DENND4C: variants seen among roughly 807,000 people sequenced by gnomAD.
DENND4C encodes DENN domain containing 4C, also known as DENN domain-containing protein 4C.
DENND4C carries 108 observed loss-of-function variants against 203.0 expected under a neutral mutation model. That is an observed-to-expected ratio of 0.53 (90% CI 0.46 to 0.62). The LOEUF (loss-of-function observed/expected upper bound fraction) is 0.62, where lower values mean the gene tolerates loss of function less well. Ranked by LOEUF, DENND4C falls within the 20% of genes least tolerant of loss-of-function variation. The pLI is 0.00. For missense variants in DENND4C, 2,481 were observed against 2,301.2 expected (o/e 1.08, Z -1.60); for synonymous variants, 871 against 792.4 (o/e 1.10, Z -1.67).
chr9:19,374,122 A>C lies in DENND4C; in HGVS notation c.*1949A>C, dbSNP rs1185023724. On this transcript the variant is annotated 3_prime_UTR_variant, in exon 33 of 33. Transcript: ENST00000434457. ...AAAATTGAGGTTGAATAAAATGAAA[A>C]ATTGTTGTTTTCTGTTACATTAAGC... is the stretch of plus-strand genomic sequence containing the variant. Among the ~76,000 whole-genome samples the C allele has an allele frequency of 1.3e-5, 2 of 152,144 alleles. No individual in the cohort carries two copies. Among genetic ancestry groups the C allele is most frequent in the Non-Finnish European group, 2.9e-5 (2 of 68,036 alleles).
At chr9:19,282,844 G>A (rs570284149) in intron 2 of DENND4C, among the ~76,000 whole-genome samples, 1 of 148,330 alleles carries the variant, frequency 6.7e-6, no homozygotes, top group African/African-American at 2.5e-5. Context: ...AGCCTCTGGA[G>A]TAGCTGCGAT....
At chr9:19,336,525 A>G (rs1820511501) in intron 19 of DENND4C, 111 bp downstream of exon 19, 2 of 1,445,772 alleles carry the variant, frequency 1.4e-6, no homozygotes, top group South Asian at 1.5e-5. Context: ...ACATTTTCAC[A>G]TACATTTAAA....
chr9:19,294,090 G>C (rs1588860581), intron 5 of DENND4C, among the ~76,000 whole-genome samples: 3 of 152,166 alleles, frequency 2.0e-5, no homozygotes, highest in Admixed American at 6.5e-5. Flanking sequence ...GGAGATTAGT[G>C]AGTAGTCATT....
In DENND4C at chr9:19,372,324, T is replaced by A; in HGVS notation, c.*151T>A. On this transcript the variant is annotated 3_prime_UTR_variant, in exon 33 of 33. Coordinates refer to ENST00000434457, the MANE Select transcript of DENND4C (RefSeq NM_001330640.2). ...ATATATAATGAATTATGATTCATAT[T>A]GCATTACCTTGAAATATGAAGTGCC... is the stretch of plus-strand genomic sequence containing the variant. 1 of 929,830 alleles carries A rather than the reference T, an allele frequency of 1.1e-6. No homozygotes were observed. The allele number at this position is 929,830 out of a possible 1,614,324, so 57.6% of individuals were successfully genotyped here. A position where few individuals can be genotyped will look rare whatever the true frequency, so the allele number is the denominator to read the frequency against.
chr9:19,260,465 T>G (rs886205422), intron 1 of DENND4C, among the ~76,000 whole-genome samples: 6 of 152,114 alleles, frequency 3.9e-5, no homozygotes, highest in African/African-American at 1.2e-4. Flanking sequence ...TGGCATGATC[T>G]CGGCTTACTG....
At chr9:19,249,223 G>A (rs904296101) in intron 1 of DENND4C, among the ~76,000 whole-genome samples, 3 of 151,526 alleles carry the variant, frequency 2.0e-5, no homozygotes, top group African/African-American at 7.3e-5. Flanking sequence ...TTGAGACCCT[G>A]TCATAAGTTA....
chr9:19,297,921 A>G (rs767771056), intron 6 of DENND4C, 135 bp from the exon 7 acceptor site: 43 of 618,710 alleles, frequency 6.9e-5, no homozygotes, highest in Non-Finnish European at 1.0e-4. Context: ...GAGCAAATTT[A>G]CTTACTTAGC....
At chr9:19,234,432 G>C (rs1019284435) in intron 1 of DENND4C, among the ~76,000 whole-genome samples, 1 of 150,640 alleles carries the variant, frequency 6.6e-6, no homozygotes, top group African/African-American at 2.4e-5. Flanking sequence ...GGGTTTCACC[G>C]TGTTAGCCAG....
chr9:19,342,776 A>T lies in DENND4C; in HGVS notation c.3148A>T (p.Thr1050Ser). 1.2e-6 allele frequency: 2 copies of T among 1,600,422 alleles called. No individual in the cohort carries two copies. Among genetic ancestry groups the T allele is most frequent in the Non-Finnish European group, 8.5e-7 (1 of 1,174,660 alleles). Residue 1050 changes from threonine to serine, a missense_variant, in exon 22 of 33, where the codon ACT becomes TCT. Physicochemically the swap from Thr to Ser is moderately conservative, Grantham distance 58 (BLOSUM62 1). Coordinates refer to ENST00000434457, the MANE Select transcript of DENND4C (RefSeq NM_001330640.2). Reference protein sequence around the residue: ...IFDVNSRKSSTGSISNVLFST... With the variant: ...IFDVNSRKSSSGSISNVLFST... ...TGATGTCAACAGCAGGAAAAGTAGC[A>T]CTGGTGAGTCTTTACATTTTGGTTA...
At chr9:19,249,008 C>T (rs1285879833) in intron 1 of DENND4C, among the ~76,000 whole-genome samples, 1 of 152,114 alleles carries the variant, frequency 6.6e-6, no homozygotes, top group East Asian at 1.9e-4. Flanking sequence ...TCATGTTGGT[C>T]CCGAACACCT....
At chr9:19,310,488 AT>A (rs1764281782) in intron 10 of DENND4C, among the ~76,000 whole-genome samples, 1 of 152,214 alleles carries the variant, frequency 6.6e-6, no homozygotes, top group Non-Finnish European at 1.5e-5. Flanking sequence ...GCAACAGCAC[AT>A]TTGAGTAGTT....
At chr9:19,239,998 T>C (rs949025893) in intron 1 of DENND4C, among the ~76,000 whole-genome samples, 6 of 152,230 alleles carry the variant, frequency 3.9e-5, no homozygotes. Context: ...CTGTGAATTA[T>C]TGCATCAGTG....
At position 19,336,434 on chromosome 9, in the gene DENND4C, A is replaced by G; in HGVS notation, c.2734+20A>G. 4.4e-6 allele frequency: 7 copies of G among 1,601,852 alleles called. No individual in the cohort carries two copies. Among genetic ancestry groups the G allele is most frequent in the Non-Finnish European group, 4.3e-6 (5 of 1,174,894 alleles). On this transcript the variant is annotated intron_variant, in intron 19 of 32. Transcript: ENST00000434457. ...TATCAGGTAATACATGTGATTAGAA[A>G]TATAATTCCTTACTGAACCATGAGC...
intron 1 of DENND4C, among the ~76,000 whole-genome samples, chr9:19,255,697 T>C (rs1352839206): frequency 6.6e-6 from 1 of 152,168 alleles, no homozygotes; most frequent in African/African-American, 2.4e-5. Flanking sequence ...GTTTATGCCT[T>C]TAATAACAGT....
At chr9:19,291,145 C>T (rs907726287) in intron 5 of DENND4C, among the ~76,000 whole-genome samples, 11 of 152,018 alleles carry the variant, frequency 7.2e-5, no homozygotes, top group African/African-American at 2.4e-4. Flanking sequence ...TATGACAGAT[C>T]AAGGACATAG....
At chr9:19,250,219 G>C (rs1290620647) in intron 1 of DENND4C, among the ~76,000 whole-genome samples, 1 of 152,074 alleles carries the variant, frequency 6.6e-6, no homozygotes, top group East Asian at 1.9e-4. Flanking sequence ...GAGGCGGGTA[G>C]ATCACCTGAG....
chr9:19,309,847 A>G (rs1446435081), intron 10 of DENND4C, among the ~76,000 whole-genome samples: 3 of 151,958 alleles, frequency 2.0e-5, no homozygotes, highest in Admixed American at 2.0e-4. Flanking sequence ...GTTAATATAT[A>G]TTGTATTTAT....
chr9:19,364,508 CTCTA>C (rs1271782043), intron 30 of DENND4C, among the ~76,000 whole-genome samples: 2 of 152,146 alleles, frequency 1.3e-5, no homozygotes, highest in Non-Finnish European at 2.9e-5. Flanking sequence ...AGGGTCATGT[CTCTA>C]TCTAGCACCC....
At chr9:19,371,283 CCA>C (rs926499479) in intron 31 of DENND4C, 1 of 153,554 alleles carries the variant, frequency 6.5e-6, no homozygotes, top group African/African-American at 2.4e-5. Context: ...AGTAAAGAGA[CCA>C]CACCACCTTT....
Sources: allele counts gnomAD v4.1 joint callset (sites outside exome capture counted in the v4.1 genomes callset), GRCh38; gene constraint gnomAD v4.1.1; transcripts MANE v1.5; gene names NCBI Gene and HGNC (gene_info 2026-07-23, HGNC 2026-07-21).